ITFG1: variants seen among roughly 807,000 people sequenced by gnomAD.
The protein encoded by ITFG1 is T-cell immunomodulatory protein.
ITFG1 carries 34 observed loss-of-function variants against 81.8 expected under a neutral mutation model. That is an observed-to-expected ratio of 0.42 (90% CI 0.32 to 0.55). ITFG1 has a LOEUF of 0.55. Among genes scored for constraint, ITFG1 ranks in the 20% least tolerant of loss-of-function variants. The probability of loss-of-function intolerance (pLI) is 0.17; values close to 1 mark genes in which losing one functional copy is unlikely to be tolerated. For missense variants in ITFG1, 672 were observed against 755.4 expected (o/e 0.89, Z 1.29); for synonymous variants, 285 against 270.6 (o/e 1.05, Z -0.52).
intron 10 of ITFG1, among the ~76,000 whole-genome samples, chr16:47,280,493 C>G (rs1401968246): frequency 6.6e-6 from 1 of 152,026 alleles, no homozygotes; most frequent in Non-Finnish European, 1.5e-5. Flanking sequence ...TGCTGGGATT[C>G]TTTGGTATAA....
rs117626011 is a variant in ITFG1 at position 47,360,359 on chromosome 16, T to C, written c.802+5429A>G. Among the ~76,000 whole-genome samples, 581 of 152,262 alleles carry C rather than the reference T, an allele frequency of 3.8e-3. 3 individuals are homozygous for C. The highest frequency in any genetic ancestry group is 5.1e-3 in the Non-Finnish European group (346 of 68,004). ...AGAGAATATCTGCAACTTCAAACATTCCTCTGTTTTATTGATTTTTTGACT... is the reference window on the plus strand; with the variant it reads ...AGAGAATATCTGCAACTTCAAACATCCCTCTGTTTTATTGATTTTTTGACT... On this transcript the variant is annotated intron_variant, in intron 8 of 17. Transcript: ENST00000320640.
At chr16:47,254,282 T>C (rs1257064417) in intron 12 of ITFG1, among the ~76,000 whole-genome samples, 1 of 152,150 alleles carries the variant, frequency 6.6e-6, no homozygotes, top group Non-Finnish European at 1.5e-5. Context: ...CTAAATTATA[T>C]GCATACATTT....
chr16:47,320,830 C>T (rs779998690), intron 8 of ITFG1, among the ~76,000 whole-genome samples: 6 of 152,140 alleles, frequency 3.9e-5, no homozygotes, highest in Non-Finnish European at 8.8e-5. Flanking sequence ...CCTGGAAGGA[C>T]AGAAGTACTT....
At chr16:47,415,328 A>C (rs941012961) in intron 6 of ITFG1, among the ~76,000 whole-genome samples, 1 of 152,072 alleles carries the variant, frequency 6.6e-6, no homozygotes, top group Non-Finnish European at 1.5e-5. Flanking sequence ...TATGCATGGA[A>C]GAGTGGGGTT....
chr16:47,278,674 T>C (rs1414485085), intron 10 of ITFG1, among the ~76,000 whole-genome samples: 1 of 152,224 alleles, frequency 6.6e-6, no homozygotes. Flanking sequence ...GTGAAAGTGA[T>C]ATTTTTGAAC....
At chr16:47,335,692 C>A (rs1314562934) in intron 8 of ITFG1, among the ~76,000 whole-genome samples, 1 of 151,976 alleles carries the variant, frequency 6.6e-6, no homozygotes, top group East Asian at 1.9e-4. Context: ...CACTACACAC[C>A]AAATAAAATA....
intron 12 of ITFG1, among the ~76,000 whole-genome samples, chr16:47,250,750 A>G (rs949380704): frequency 1.3e-5 from 2 of 152,234 alleles, no homozygotes; most frequent in Non-Finnish European, 2.9e-5. Context: ...AGGATACTGA[A>G]TAGGTGAGTA....
rs551072539 is a variant in ITFG1, at chr16:47,331,086, C to T, written c.803-17263G>A. ...TGGAAACAATCTAGGTGCCCATCAA[C>T]GGTGGACTGGATAAAGAAAATGTGG... is the stretch of plus-strand genomic sequence containing the variant. On this transcript the variant is annotated intron_variant, in intron 8 of 17. Transcript: ENST00000320640. Among the ~76,000 whole-genome samples the T allele has an allele frequency of 5.3e-5, 8 of 152,140 alleles. No individual in the cohort carries two copies. The South Asian group carries it at 8.3e-4, about 16-fold the overall frequency.
intron 10 of ITFG1, among the ~76,000 whole-genome samples, chr16:47,296,496 C>A (rs1049620581): frequency 1.3e-5 from 2 of 152,238 alleles, no homozygotes; most frequent in Non-Finnish European, 2.9e-5. Context: ...AGTGCAGTGG[C>A]ACAATCTCGG....
At chr16:47,370,119 C>T (rs544034949) in intron 7 of ITFG1, among the ~76,000 whole-genome samples, 37 of 152,124 alleles carry the variant, frequency 2.4e-4, no homozygotes, top group South Asian at 4.2e-4. Flanking sequence ...GGATTACAGG[C>T]GTTAGCTACT....
chr16:47,314,074 G>A (rs1479255166), intron 8 of ITFG1, among the ~76,000 whole-genome samples: 3 of 152,058 alleles, frequency 2.0e-5, no homozygotes, highest in African/African-American at 7.2e-5. Flanking sequence ...GAGGGAGGGG[G>A]GCAAGGGCTG....
At chr16:47,157,890 T>C (rs760890103) in intron 17 of ITFG1, among the ~76,000 whole-genome samples, 1 of 152,200 alleles carries the variant, frequency 6.6e-6, no homozygotes, top group African/African-American at 2.4e-5. Context: ...TTTGAGGGCA[T>C]TGATTGGAAC....
chr16:47,206,272 C>T (rs142876428), intron 14 of ITFG1, among the ~76,000 whole-genome samples: 8 of 152,222 alleles, frequency 5.3e-5, no homozygotes, highest in African/African-American at 1.9e-4. Flanking sequence ...CTCCCCCATC[C>T]CCATCTAAAC....
At chr16:47,305,610 A>G (rs962739685) in intron 10 of ITFG1, among the ~76,000 whole-genome samples, 2 of 152,208 alleles carry the variant, frequency 1.3e-5, no homozygotes, top group Non-Finnish European at 2.9e-5. Flanking sequence ...ACTATGGATA[A>G]AGTACAAATC....
At position 47,258,752 on chromosome 16, in the gene ITFG1, C is replaced by T; in HGVS notation, c.1222-12G>A. ...ATGTCCAAGATTCCCTGGAAAAAAA[C>T]AAACAAAAATGGTAAGAACAAACTA... On this transcript the variant is annotated splice_polypyrimidine_tract_variant and intron_variant, in intron 11 of 17. Transcript: ENST00000320640. The T allele has an allele frequency of 7.7e-7, 1 of 1,295,062 alleles. No homozygotes were observed. 80.2% of individuals were successfully genotyped at this position (1,295,062 alleles called of 1,614,324 possible).
chr16:47,400,017 T>C (rs1968640662), intron 6 of ITFG1, among the ~76,000 whole-genome samples: 1 of 152,192 alleles, frequency 6.6e-6, no homozygotes, highest in Non-Finnish European at 1.5e-5. Flanking sequence ...TTTGCATGTG[T>C]TCTCTCATTT....
At chr16:47,441,503 T>A (rs1329050081) in intron 5 of ITFG1, among the ~76,000 whole-genome samples, 1 of 152,156 alleles carries the variant, frequency 6.6e-6, no homozygotes, top group Admixed American at 6.5e-5. Context: ...GCTTCATCCC[T>A]GGGATGCAAG....
chr16:47,162,241 ATATT>A (rs1175406092), intron 15 of ITFG1, among the ~76,000 whole-genome samples: 2 of 151,932 alleles, frequency 1.3e-5, no homozygotes, highest in Non-Finnish European at 2.9e-5. Flanking sequence ...TGTTACTAAA[ATATT>A]TATGTACACG....
At chr16:47,175,504 A>G (rs919379449) in intron 14 of ITFG1, among the ~76,000 whole-genome samples, 9 of 152,140 alleles carry the variant, frequency 5.9e-5, no homozygotes, top group African/African-American at 2.2e-4. Flanking sequence ...CTAATTCCAA[A>G]TCCCATGCCC....
Sources: allele counts gnomAD v4.1 joint callset (sites outside exome capture counted in the v4.1 genomes callset), GRCh38; gene constraint gnomAD v4.1.1; transcripts MANE v1.5; gene names NCBI Gene and HGNC (gene_info 2026-07-23, HGNC 2026-07-21).